The following CPSF6 variants were observed in gnomAD, a reference collection of about 807,000 sequenced individuals.
The protein encoded by CPSF6 is cleavage and polyadenylation specificity factor subunit 6.
In CPSF6, 10 loss-of-function variants were observed where a neutral mutation model predicts 56.7. That is an observed-to-expected ratio of 0.18 (90% CI 0.11 to 0.30). The LOEUF is 0.30. Ranked by LOEUF, CPSF6 falls within the 10% of genes least tolerant of loss-of-function variation. The pLI is 1.00. For synonymous variants in CPSF6, 248 were observed against 244.8 expected (o/e 1.01, Z -0.12); for missense variants, 419 against 722.9 (o/e 0.58, Z 4.82).
intron 1 of CPSF6, among the ~76,000 whole-genome samples, chr12:69,246,184 G>A (rs553238454): frequency 6.6e-6 from 1 of 152,318 alleles, no homozygotes; most frequent in Non-Finnish European, 1.5e-5. Context: ...CTGGACATCC[G>A]ATAAGTCAGT....
intron 1 of CPSF6, 109 bp downstream of exon 1, chr12:69,239,815 C>T (rs1282058986): frequency 3.9e-6 from 4 of 1,019,254 alleles, no homozygotes; most frequent in Non-Finnish European, 5.2e-6. Flanking sequence ...AGTGTGCGCC[C>T]TTGCCGCCTC....
intron 1 of CPSF6, among the ~76,000 whole-genome samples, chr12:69,247,119 A>G (rs1393050202): frequency 9.6e-6 from 1 of 103,792 alleles, no homozygotes; most frequent in Non-Finnish European, 2.1e-5. Flanking sequence ...AGGGGTAATT[A>G]GGGAAAAAAT....
Position 69,270,307 on chromosome 12 carries a change from A to T in CPSF6, c.*799A>T, listed in dbSNP as rs562630797. 2.0e-5 allele frequency: 3 copies of T among 152,332 alleles called. No individual in the cohort carries two copies. In the South Asian group the frequency reaches 6.2e-4, roughly 32 times the overall value. 9.4% of individuals were successfully genotyped at this position (152,332 alleles called of 1,614,324 possible). ...AGTCAATGTGTAAGGGGTCAAAAAA[A>T]CAGAGGTTTTAACACATAAGTAAAA... is the stretch of plus-strand genomic sequence containing the variant. On this transcript the variant is annotated 3_prime_UTR_variant, in exon 10 of 10. Coordinates refer to ENST00000435070, the MANE Select transcript of CPSF6 (RefSeq NM_007007.3).
intron 9 of CPSF6, among the ~76,000 whole-genome samples, chr12:69,264,409 T>G (rs952446883): frequency 5.3e-5 from 8 of 152,108 alleles, no homozygotes; most frequent in Admixed American, 4.6e-4. Context: ...ACTAGCATAG[T>G]CAACCAAGTA....
chr12:69,252,247 A>C, intron 2 of CPSF6: 1 of 250,680 alleles, frequency 4.0e-6, no homozygotes, highest in Non-Finnish European at 7.2e-6. Flanking sequence ...CTAATTAAAA[A>C]CAAAACAAAC....
intron 8 of CPSF6, among the ~76,000 whole-genome samples, chr12:69,260,782 ATTTCT>A (rs1327551705): frequency 6.6e-6 from 1 of 152,110 alleles, no homozygotes; most frequent in Non-Finnish European, 1.5e-5. Context: ...TGCTTACTAT[ATTTCT>A]TTTCTTTTAA....
chr12:69,243,456 A>G (rs919574266), intron 1 of CPSF6, among the ~76,000 whole-genome samples: 2 of 152,226 alleles, frequency 1.3e-5, no homozygotes, highest in African/African-American at 4.8e-5. Flanking sequence ...TTGCATTTCA[A>G]ACCTGGAAGG....
intron 1 of CPSF6, among the ~76,000 whole-genome samples, chr12:69,241,988 A>T (rs2120404107): frequency 6.6e-6 from 1 of 152,280 alleles, no homozygotes; most frequent in Non-Finnish European, 1.5e-5. Context: ...TTGTTTTTAA[A>T]AATATGTTAC....
intron 9 of CPSF6, among the ~76,000 whole-genome samples, chr12:69,263,344 TTTC>T (rs758280178): frequency 2.6e-5 from 4 of 152,104 alleles, no homozygotes; most frequent in Admixed American, 6.5e-5. Context: ...ATTTTAAAAC[TTTC>T]TTGTGTACAT....
rs550804151 is a variant in CPSF6 at position 69,240,016 on chromosome 12, T to C, written c.60+310T>C. Among the ~76,000 whole-genome samples the C allele has an allele frequency of 8.3e-4, 125 of 151,250 alleles. 2 individuals carry two copies. Among genetic ancestry groups the C allele is most frequent in the Admixed American group, 8.2e-3 (124 of 15,212 alleles). On this transcript the variant is annotated intron_variant, in intron 1 of 9. Transcript: ENST00000435070. ...ATTGTTGGCGGCACCCGGCTGGCGC[T>C]TCCCGCCGCGCTAGGCCCGGGCGGT...
intron 9 of CPSF6, among the ~76,000 whole-genome samples, chr12:69,268,361 T>G (rs1005212468): frequency 2.0e-5 from 3 of 151,778 alleles, no homozygotes; most frequent in Non-Finnish European, 4.4e-5. Context: ...CTTTTGCAGT[T>G]TTAAAATTTT....
intron 1 of CPSF6, among the ~76,000 whole-genome samples, chr12:69,248,475 CTT>C (rs1377281276): frequency 6.6e-6 from 1 of 152,144 alleles, no homozygotes; most frequent in East Asian, 1.9e-4. Flanking sequence ...TTGTGGGAAA[CTT>C]TTTAGTATCT....
chr12:69,249,332 C>T (rs991301573), intron 1 of CPSF6, among the ~76,000 whole-genome samples: 5 of 151,934 alleles, frequency 3.3e-5, no homozygotes, highest in Non-Finnish European at 7.4e-5. Context: ...AGATCTTATT[C>T]TGGCTCTCCT....
chr12:69,257,188 G>T (rs902489465), intron 4 of CPSF6, among the ~76,000 whole-genome samples: 2 of 152,206 alleles, frequency 1.3e-5, no homozygotes, highest in Non-Finnish European at 2.9e-5. Flanking sequence ...GTATTATGGT[G>T]GGGGAGAGAT....
rs1873345972 is a variant in CPSF6 at position 69,273,390 on chromosome 12, C to T, written c.*3882C>T. The T allele has an allele frequency of 5.2e-6, 1 of 193,024 alleles. No homozygotes were observed. Among genetic ancestry groups the T allele is most frequent in the African/African-American group, 2.4e-5 (1 of 42,200 alleles). The allele number at this position is 193,024 out of a possible 1,614,324, so 12.0% of individuals were successfully genotyped here. Reference sequence around the variant, plus strand: ...CAGATTTTAATGTCTTTAAAGACTTCCTGCTGTATTAACATATTGTAATGG... The same window carrying T: ...CAGATTTTAATGTCTTTAAAGACTTTCTGCTGTATTAACATATTGTAATGG... On this transcript the variant is annotated 3_prime_UTR_variant, in exon 10 of 10. Coordinates refer to ENST00000435070, the MANE Select transcript of CPSF6 (RefSeq NM_007007.3).
intron 2 of CPSF6, 75 bp downstream of exon 2, chr12:69,251,413 C>A: frequency 1.0e-6 from 1 of 998,596 alleles, no homozygotes; most frequent in Non-Finnish European, 1.5e-6. Context: ...TGTTTTTCTC[C>A]AGATTTTTAT....
intron 2 of CPSF6, 67 bp downstream of exon 2, chr12:69,251,405 T>G: frequency 9.6e-7 from 1 of 1,041,774 alleles, no homozygotes; most frequent in Non-Finnish European, 1.4e-6. Context: ...GTAATTAATG[T>G]TTTTCTCCAG....
intron 1 of CPSF6, among the ~76,000 whole-genome samples, chr12:69,242,712 A>G (rs1324815575): frequency 6.6e-6 from 1 of 152,254 alleles, no homozygotes; most frequent in African/African-American, 2.4e-5. Flanking sequence ...GTAGCATATC[A>G]ATTCAGTTTA....
intron 8 of CPSF6, among the ~76,000 whole-genome samples, chr12:69,260,448 A>G (rs1872697500): frequency 6.6e-6 from 1 of 152,030 alleles, no homozygotes. Context: ...TTTTAGCCTC[A>G]TTTTGTACCT....
Sources: gnomAD v4.1 joint callset for allele counts (sites outside exome capture counted in the v4.1 genomes callset) on GRCh38, gnomAD v4.1.1 for gene constraint, MANE v1.5 for transcripts, NCBI Gene and HGNC (gene_info 2026-07-23, HGNC 2026-07-21) for gene names.